Variants in ITIH5 observed in about 807,000 individuals in gnomAD.
ITIH5 encodes inter-alpha-trypsin inhibitor heavy chain H5.
A neutral mutation model predicts 77.5 loss-of-function variants in ITIH5; 65 were observed. That is an observed-to-expected ratio of 0.84 (90% CI 0.69 to 1.03). The LOEUF (loss-of-function observed/expected upper bound fraction) is 1.03, where lower values mean the gene tolerates loss of function less well. ITIH5 is among the 50% of genes least tolerant of loss of function. ITIH5 has a pLI of 0.00. For synonymous variants in ITIH5, 525 were observed against 494.3 expected (o/e 1.06, Z -0.82); for missense variants, 1,208 against 1,213.1 (o/e 1.00, Z 0.06).
chr10:7,571,127 G>T (rs896334207), intron 11 of ITIH5, among the ~76,000 whole-genome samples: 2 of 152,112 alleles, frequency 1.3e-5, no homozygotes, highest in African/African-American at 4.8e-5. Context: ...GCTCTCCCTG[G>T]GAAGTGCCTC....
chr10:7,612,241 T>C (rs909916588), intron 7 of ITIH5, among the ~76,000 whole-genome samples: 2 of 152,150 alleles, frequency 1.3e-5, no homozygotes, highest in Non-Finnish European at 2.9e-5. Context: ...GGTGAATAAA[T>C]GTTCTGCAGC....
chr10:7,636,179 A>G (rs1833794732), intron 5 of ITIH5, among the ~76,000 whole-genome samples: 1 of 152,032 alleles, frequency 6.6e-6, no homozygotes, highest in African/African-American at 2.4e-5. Flanking sequence ...CCCCTCCCAA[A>G]AAAAGAAAAA....
At chr10:7,639,858 T>G (rs968260708) in intron 4 of ITIH5, among the ~76,000 whole-genome samples, 2 of 152,006 alleles carry the variant, frequency 1.3e-5, no homozygotes, top group African/African-American at 4.8e-5. Context: ...AAACAATGAT[T>G]AGGTAACATC....
intron 5 of ITIH5, among the ~76,000 whole-genome samples, chr10:7,635,675 CACATA>C (rs1358173959): frequency 6.6e-6 from 1 of 152,174 alleles, no homozygotes; most frequent in Non-Finnish European, 1.5e-5. Flanking sequence ...AATGGCCTCT[CACATA>C]GTCATTAACT....
chr10:7,594,295 G>T (rs1832852439), intron 7 of ITIH5, among the ~76,000 whole-genome samples: 1 of 152,104 alleles, frequency 6.6e-6, no homozygotes, highest in Non-Finnish European at 1.5e-5. Flanking sequence ...GGACACAGCT[G>T]GTCACCACTT....
At chr10:7,594,790 G>T (rs1196607869) in intron 7 of ITIH5, among the ~76,000 whole-genome samples, 1 of 152,194 alleles carries the variant, frequency 6.6e-6, no homozygotes, top group African/African-American at 2.4e-5. Flanking sequence ...AGCCAGTGGG[G>T]AGGAATTAGC....
At position 7,617,182 on chromosome 10, in the gene ITIH5, C is replaced by A. The variant is rs747795799; in HGVS notation, c.753G>T (p.Gln251His). 53 of 1,606,436 alleles carry A rather than the reference C, an allele frequency of 3.3e-5. No homozygotes were observed. Among genetic ancestry groups the A allele is most frequent in the Non-Finnish European group, 4.2e-5 (50 of 1,176,802 alleles). The change falls in exon 6 of 14, where the codon CAG becomes CAT. Residue 251 changes from glutamine to histidine, a missense_variant. Transcript: ENST00000397146. Reference sequence around the variant, plus strand: ...TGATAAAGTCTCCCAAAATTCCATTCTGGGCAATCCTGGCTTGTTGTACTA... The same window carrying A: ...TGATAAAGTCTCCCAAAATTCCATTATGGGCAATCCTGGCTTGTTGTACTA... ...PTVVQQARIA[Q>H]NGILGDFIIR...
intron 4 of ITIH5, among the ~76,000 whole-genome samples, chr10:7,638,263 T>C (rs1833832444): frequency 6.6e-6 from 1 of 152,182 alleles, no homozygotes; most frequent in Non-Finnish European, 1.5e-5. Flanking sequence ...ATAGACAGGA[T>C]AATTCCAAGT....
intron 8 of ITIH5, among the ~76,000 whole-genome samples, chr10:7,580,837 T>G (rs1832537324): frequency 6.6e-6 from 1 of 152,188 alleles, no homozygotes; most frequent in African/African-American, 2.4e-5. Flanking sequence ...CGTCTCTCCT[T>G]TCTTTGCTTC....
chr10:7,650,412 A>G (rs559610647), intron 2 of ITIH5, among the ~76,000 whole-genome samples: 1 of 152,172 alleles, frequency 6.6e-6, no homozygotes, highest in Non-Finnish European at 1.5e-5. Context: ...CCAAATCTCT[A>G]CTAACCCTTA....
At chr10:7,621,789 G>C (rs1300196699) in intron 5 of ITIH5, 1 of 152,186 alleles carries the variant, frequency 6.6e-6, no homozygotes, top group African/African-American at 2.4e-5. Context: ...TTTCCTTGCT[G>C]TGAATGGGGG....
At chr10:7,590,772 G>A (rs778946278) in intron 7 of ITIH5, among the ~76,000 whole-genome samples, 9 of 152,186 alleles carry the variant, frequency 5.9e-5, no homozygotes, top group Non-Finnish European at 1.0e-4. Flanking sequence ...GAAGCGGAGC[G>A]ACAAAGGGCT....
At chr10:7,564,368 A>T (rs1421372710) in intron 13 of ITIH5, among the ~76,000 whole-genome samples, 1 of 152,244 alleles carries the variant, frequency 6.6e-6, no homozygotes, top group African/African-American at 2.4e-5. Flanking sequence ...TTACATATAT[A>T]GTCATGCACC....
At chr10:7,574,649 C>T (rs946680824) in intron 10 of ITIH5, among the ~76,000 whole-genome samples, 2 of 151,884 alleles carry the variant, frequency 1.3e-5, no homozygotes, top group South Asian at 2.1e-4. Context: ...AAAAATTAGC[C>T]GGGCGCGGTG....
intron 5 of ITIH5, chr10:7,620,963 C>CAT (rs1204413033): frequency 6.6e-6 from 1 of 152,240 alleles, no homozygotes; most frequent in Non-Finnish European, 1.5e-5. Flanking sequence ...GAACCAGCAG[C>CAT]ATCAGCAGCT....
chr10:7,617,160 T>C lies in ITIH5; in HGVS notation c.775A>G (p.Ile259Val), dbSNP rs1369797618. 1.2e-6 allele frequency: 2 copies of C among 1,604,752 alleles called. No homozygotes were observed. The part of the protein sequence containing the change: ...IAQNGILGDF[I>V]IRYDVNREQS... ...TCTCTATTGACGTCATATCTAATGATAAAGTCTCCCAAAATTCCATTCTGG... is the reference window on the plus strand; with the variant it reads ...TCTCTATTGACGTCATATCTAATGACAAAGTCTCCCAAAATTCCATTCTGG... The change falls in exon 6 of 14, where the codon ATC (isoleucine) becomes GTC (valine). Residue 259 changes from isoleucine to valine, a missense_variant. Coordinates refer to ENST00000397146, the MANE Select transcript of ITIH5 (RefSeq NM_030569.7).
At chr10:7,586,795 G>T (rs1440738377) in intron 7 of ITIH5, among the ~76,000 whole-genome samples, 4 of 152,006 alleles carry the variant, frequency 2.6e-5, no homozygotes, top group African/African-American at 9.7e-5. Flanking sequence ...TTGAGGATGA[G>T]ATTTAAAGAA....
intron 11 of ITIH5, chr10:7,572,771 C>T (rs1161688386): frequency 1.6e-4 from 14 of 88,334 alleles, no homozygotes; most frequent in South Asian, 6.7e-4. Context: ...TGGTTTTACA[C>T]TTTTTTTTTT....
chr10:7,566,369 G>A lies in ITIH5; in HGVS notation c.2188C>T (p.Pro730Ser), dbSNP rs1052820518. The A allele has an allele frequency of 1.9e-6, 3 of 1,604,062 alleles. No individual in the cohort carries two copies. The African/African-American group carries it at 4.0e-5, about 21-fold the overall frequency. ...CGCTGTTTCTTGTGGCCATTTGGAG[G>A]GGCGGGTGCCCCAATTAACTCTCCG... is the stretch of plus-strand genomic sequence containing the variant. ...VNGELIGAPA[P>S]PNGHKKQRTY... The change falls in exon 13 of 14, where the codon CCT becomes TCT. Residue 730 changes from proline (P) to serine (S), a missense_variant. Coordinates refer to ENST00000397146, the MANE Select transcript of ITIH5 (RefSeq NM_030569.7).
Sources: gnomAD v4.1 joint callset for allele counts (sites outside exome capture counted in the v4.1 genomes callset) on GRCh38, gnomAD v4.1.1 for gene constraint, MANE v1.5 for transcripts, NCBI Gene and HGNC (gene_info 2026-07-23, HGNC 2026-07-21) for gene names.